Variants in ARHGAP6 observed in about 807,000 individuals in gnomAD.
ARHGAP6 encodes the protein rho GTPase-activating protein 6.
In ARHGAP6, 16 loss-of-function variants were observed where a neutral mutation model predicts 55.7. That is an observed-to-expected ratio of 0.29 (90% CI 0.19 to 0.44). ARHGAP6 has a LOEUF of 0.44. Among genes scored for constraint, ARHGAP6 ranks in the 20% least tolerant of loss-of-function variants. The pLI, the probability that ARHGAP6 is intolerant of heterozygous loss-of-function variation, is 1.00. For missense variants in ARHGAP6, 698 were observed against 808.9 expected, an observed-to-expected ratio of 0.86 and a Z score of 1.66; for synonymous variants, 382 against 360.9, an observed-to-expected ratio of 1.06 and a Z score of -0.66.
intron 2 of ARHGAP6, among the ~76,000 whole-genome samples, chrX:11,250,968 G>C (rs1363379199): frequency 8.9e-6 from 1 of 112,220 alleles, no homozygotes. Flanking sequence ...ACTCAAAAGA[G>C]GATATTTGGA....
chrX:11,643,065 T>C (rs1011790377), intron 1 of ARHGAP6, among the ~76,000 whole-genome samples: 3 of 111,085 alleles, frequency 2.7e-5, no homozygotes, highest in African/African-American at 9.8e-5. Context: ...CATTGCCCCA[T>C]CCATAGATCC....
chrX:11,387,889 T>A (rs913034143), intron 1 of ARHGAP6, among the ~76,000 whole-genome samples: 3 of 112,107 alleles, frequency 2.7e-5, no homozygotes, highest in South Asian at 3.8e-4. Context: ...GAACTCATTG[T>A]TTTTTATGGC....
At chrX:11,382,924 C>G (rs934926920) in intron 1 of ARHGAP6, among the ~76,000 whole-genome samples, 12 of 112,194 alleles carry the variant, frequency 1.1e-4, no homozygotes, top group African/African-American at 3.9e-4. Context: ...AGAAATTTAC[C>G]TCAATGGAGA....
chrX:11,196,179 AAAAC>A (rs1183853870), intron 3 of ARHGAP6, among the ~76,000 whole-genome samples: 2 of 108,910 alleles, frequency 1.8e-5, no homozygotes, highest in East Asian at 5.7e-4. Context: ...ACAAAACAAA[AAAAC>A]TAATAGCCAC....
intron 1 of ARHGAP6, among the ~76,000 whole-genome samples, chrX:11,505,912 G>A (rs2050727543): frequency 9.0e-6 from 1 of 111,082 alleles, no homozygotes; most frequent in East Asian, 2.8e-4. Context: ...GAGGGTATAG[G>A]AGCAGAAAAA....
intron 10 of ARHGAP6, among the ~76,000 whole-genome samples, chrX:11,149,764 T>C (rs2045748642): frequency 8.9e-6 from 1 of 112,164 alleles, no homozygotes; most frequent in Non-Finnish European, 1.9e-5. Context: ...ACCTTTAAAT[T>C]AGAAGAAAGC....
chrX:11,158,335 C>T (rs1399683889), intron 9 of ARHGAP6, among the ~76,000 whole-genome samples: 2 of 111,385 alleles, frequency 1.8e-5, no homozygotes, highest in Admixed American at 9.5e-5. Context: ...GATGATTGCG[C>T]TGACAATTGA....
intron 1 of ARHGAP6, among the ~76,000 whole-genome samples, chrX:11,641,773 G>A: frequency 9.0e-6 from 1 of 111,621 alleles, no homozygotes; most frequent in Admixed American, 9.5e-5. Context: ...TTGTTTAAAT[G>A]CTCTTATGCT....
chrX:11,297,589 A>T (rs1033759697), intron 1 of ARHGAP6, among the ~76,000 whole-genome samples: 2 of 112,146 alleles, frequency 1.8e-5, no homozygotes, highest in African/African-American at 6.5e-5. Flanking sequence ...CTAACCAAGT[A>T]TATATACTGT....
In ARHGAP6 at chrX:11,499,853, G is replaced by A. The variant is rs191894845; in HGVS notation, c.588+164388C>T. Among the ~76,000 whole-genome samples, 5 of 111,839 alleles carry A rather than the reference G, an allele frequency of 4.5e-5. No individual in the cohort carries two copies. In the Admixed American group the frequency reaches 4.8e-4, roughly 11 times the overall value. ...CCATCTTTACATTCTGAGGCATTCAGATTTGCCAAGTGTGACTTCAGCTGG... is the reference window on the plus strand; with the variant it reads ...CCATCTTTACATTCTGAGGCATTCAAATTTGCCAAGTGTGACTTCAGCTGG... On this transcript the variant is annotated intron_variant, in intron 1 of 12. Coordinates refer to ENST00000337414, the MANE Select transcript of ARHGAP6 (RefSeq NM_013427.3).
intron 7 of ARHGAP6, among the ~76,000 whole-genome samples, chrX:11,178,970 G>A (rs187103807): frequency 4.8e-4 from 54 of 111,609 alleles, no homozygotes; most frequent in South Asian, 3.8e-4. Flanking sequence ...CTCCTTCTTC[G>A]TACCAGAAAC....
intron 1 of ARHGAP6, among the ~76,000 whole-genome samples, chrX:11,391,482 GAAAA>G (rs771990257): frequency 1.1e-5 from 1 of 95,009 alleles, no homozygotes; most frequent in Non-Finnish European, 2.2e-5. Flanking sequence ...GAAAAGAAAA[GAAAA>G]AAAAAAGCCA....
At chrX:11,469,828 G>A (rs12012214) in intron 1 of ARHGAP6, among the ~76,000 whole-genome samples, 4,717 of 111,492 alleles carry the variant, frequency 0.042, 258 homozygotes, top group African/African-American at 0.15. Context: ...GAAACTAGGG[G>A]GGCACACTTG....
At chrX:11,420,708 C>G (rs914782386) in intron 1 of ARHGAP6, among the ~76,000 whole-genome samples, 1 of 111,216 alleles carries the variant, frequency 9.0e-6, no homozygotes, top group Non-Finnish European at 1.9e-5. Context: ...CAGAGCAGGC[C>G]GGTCTGTGTC....
In ARHGAP6 at chrX:11,139,283, G is replaced by T; in HGVS notation, c.2505C>A (p.Ala835=). ...TCAGGGTCAAGTACTGCTCCGACCT[G>T]GCCGTGGGCCGCTCGGCTTTCCCTG... The part of the protein sequence containing the change: ...QVAGKAERPT[A]RSEQYLTLSG... Residue 835 remains alanine, a synonymous_variant, in exon 13 of 13, where the codon GCC becomes GCA. Transcript: ENST00000337414. 1 of 1,189,693 alleles carries T rather than the reference G, an allele frequency of 8.4e-7. No homozygotes were observed. The highest frequency in any genetic ancestry group is 3.1e-5 in the East Asian group (1 of 32,437).
At chrX:11,382,554 C>A (rs1470521972) in intron 1 of ARHGAP6, among the ~76,000 whole-genome samples, 3 of 111,586 alleles carry the variant, frequency 2.7e-5, no homozygotes, top group Non-Finnish European at 5.7e-5. Context: ...TTTCTTATTA[C>A]AATCCACTCT....
chrX:11,404,110 A>G (rs1021031168), intron 1 of ARHGAP6, among the ~76,000 whole-genome samples: 10 of 111,558 alleles, frequency 9.0e-5, no homozygotes, highest in Non-Finnish European at 1.9e-4. Context: ...CTCCTCTTTA[A>G]TTTCCACCAC....
At chrX:11,563,168 T>C (rs1392275707) in intron 1 of ARHGAP6, among the ~76,000 whole-genome samples, 2 of 112,033 alleles carry the variant, frequency 1.8e-5, no homozygotes, top group African/African-American at 3.2e-5. Flanking sequence ...ATGAAAAATA[T>C]GTTTTTATTA....
At chrX:11,526,916 AG>A (rs1424051404) in intron 1 of ARHGAP6, among the ~76,000 whole-genome samples, 2 of 110,673 alleles carry the variant, frequency 1.8e-5, no homozygotes, top group East Asian at 5.6e-4. Context: ...AATGGAGGAG[AG>A]GTGTCCATAA....
Sources: allele counts gnomAD v4.1 joint callset (sites outside exome capture counted in the v4.1 genomes callset), GRCh38; gene constraint gnomAD v4.1.1; transcripts MANE v1.5; gene names NCBI Gene and HGNC (gene_info 2026-07-23, HGNC 2026-07-21).